Variants in C4orf51 observed in about 807,000 individuals in gnomAD.
C4orf51 encodes the protein uncharacterized protein C4orf51.
In C4orf51, 25 loss-of-function variants were observed where a neutral mutation model predicts 25.2. That is an observed-to-expected ratio of 0.99 (90% CI 0.72 to 1.39). C4orf51 has a LOEUF of 1.39. Among genes scored for constraint, C4orf51 ranks in the 40% most tolerant of loss-of-function variants. The pLI is 0.00. For synonymous variants in C4orf51, 100 were observed against 84.5 expected, an observed-to-expected ratio of 1.18 and a Z score of -1.01; for missense variants, 252 against 239.6, an observed-to-expected ratio of 1.05 and a Z score of -0.34.
chr4:145,754,588 C>T (rs115246899), downstream of C4orf51, among the ~76,000 whole-genome samples: 1,011 of 152,270 alleles, frequency 6.6e-3, 4 homozygotes, highest in Non-Finnish European at 0.011. Flanking sequence ...TTTAAGCCAC[C>T]CTCAAGACGA....
At position 145,690,779 on chromosome 4, in the gene C4orf51, A is replaced by G. The variant is rs149660106; in HGVS notation, c.234-5780A>G. Among the ~76,000 whole-genome samples the G allele has an allele frequency of 5.0e-3, 763 of 152,256 alleles. 3 individuals are homozygous for G. The highest frequency in any genetic ancestry group is 0.017 in the African/African-American group (714 of 41,536). On this transcript the variant is annotated intron_variant, in intron 1 of 5. Coordinates refer to ENST00000438731, the MANE Select transcript of C4orf51 (RefSeq NM_001080531.3). Reference sequence around the variant, plus strand: ...CAGAATCCACAAGGAACTTAAATCAACAAGCAAAAACCAACAAACCCATCA... The same window carrying G: ...CAGAATCCACAAGGAACTTAAATCAGCAAGCAAAAACCAACAAACCCATCA...
At chr4:145,724,338 G>T (rs761902033) in intron 2 of C4orf51, among the ~76,000 whole-genome samples, 4 of 151,982 alleles carry the variant, frequency 2.6e-5, no homozygotes, top group Non-Finnish European at 5.9e-5. Flanking sequence ...TGAAAAAGTG[G>T]GTTTTTCTTG....
intron 2 of C4orf51, among the ~76,000 whole-genome samples, chr4:145,717,606 CTTG>C (rs1385812525): frequency 2.6e-5 from 4 of 152,200 alleles, no homozygotes; most frequent in African/African-American, 7.2e-5. Context: ...CTTTGGTCAA[CTTG>C]TTGTTCCTTT....
In C4orf51 at chr4:145,699,156, C is replaced by T. The variant is rs1377663063; in HGVS notation, c.307+2524C>T. 2.0e-5 allele frequency among the ~76,000 whole-genome samples: 3 copies of T among 151,862 alleles called. No individual in the cohort carries two copies. The East Asian group carries it at 5.8e-4, about 29-fold the overall frequency. On this transcript the variant is annotated intron_variant, in intron 2 of 5. Transcript: ENST00000438731. Reference sequence around the variant, plus strand: ...CCCAAATCATATAAAATGGCCCCACCCTTATCTCCCTTCGCTGACTCTCTT... The same window carrying T: ...CCCAAATCATATAAAATGGCCCCACTCTTATCTCCCTTCGCTGACTCTCTT...
intron 1 of C4orf51, among the ~76,000 whole-genome samples, chr4:145,685,420 G>A (rs557447816): frequency 5.9e-5 from 9 of 152,286 alleles, no homozygotes; most frequent in African/African-American, 1.9e-4. Context: ...TCGGCTAGGG[G>A]CATCGGCAAG....
At chr4:145,738,720 A>G (rs932956526) in intron 1 of C4orf51, among the ~76,000 whole-genome samples, 4 of 151,888 alleles carry the variant, frequency 2.6e-5, no homozygotes, top group Non-Finnish European at 5.9e-5. Flanking sequence ...GCTCACTGCA[A>G]CCTTTGTCTC....
At chr4:145,735,276 A>G (rs944695938), downstream of C4orf51, among the ~76,000 whole-genome samples, 1 of 152,208 alleles carries the variant, frequency 6.6e-6, no homozygotes, top group African/African-American at 2.4e-5. Context: ...CCGAGGTGCC[A>G]TTCCTCACGC....
chr4:145,779,343 A>C, the C4orf51 span: 1 of 1,608,282 alleles, frequency 6.2e-7, no homozygotes, highest in Non-Finnish European at 8.5e-7. Context: ...TGGAGCATAG[A>C]GGGCTGACAG....
Position 145,754,078 on chromosome 4 carries a change from G to C in C4orf51, n.168-129G>C, listed in dbSNP as rs548754889. ...GAAGTGCGCTGAGTTAACCCAGCAG[G>C]GTGGATGGGTAACCAACATTGACCT... On this transcript the variant is annotated intron_variant and non_coding_transcript_variant, in intron 1 of 1. Transcript: ENST00000508981. The C allele has an allele frequency of 2.0e-5, 3 of 152,414 alleles. No individual in the cohort carries two copies. The South Asian group carries it at 6.2e-4, about 32-fold the overall frequency. The allele number at this position is 152,414 out of a possible 1,614,324, so 9.4% of individuals were successfully genotyped here. A position where few individuals can be genotyped will look rare whatever the true frequency, so the allele number is the denominator to read the frequency against.
At chr4:145,706,326 G>T (rs538603425) in intron 2 of C4orf51, among the ~76,000 whole-genome samples, 1 of 152,212 alleles carries the variant, frequency 6.6e-6, no homozygotes, top group Admixed American at 6.5e-5. Flanking sequence ...GTTCCATAAG[G>T]AATTTCAGGT....
At chr4:145,779,842 C>T in the C4orf51 span, among the ~76,000 whole-genome samples, 1 of 152,216 alleles carries the variant, frequency 6.6e-6, no homozygotes, top group Non-Finnish European at 1.5e-5. Context: ...AAATGAGTTG[C>T]CTGAGTTGCA....
chr4:145,709,799 G>T (rs1194449237), intron 2 of C4orf51, among the ~76,000 whole-genome samples: 3 of 152,208 alleles, frequency 2.0e-5, no homozygotes, highest in South Asian at 4.1e-4. Context: ...AGGGCCATTA[G>T]TGTCTCAGTT....
chr4:145,754,885 G>A (rs1044188404), downstream of C4orf51, among the ~76,000 whole-genome samples: 25 of 152,164 alleles, frequency 1.6e-4, no homozygotes, highest in Admixed American at 1.4e-3. Flanking sequence ...GCAGTGAGCC[G>A]AGATCATGCC....
At chr4:145,697,330 C>A (rs562033368) in intron 2 of C4orf51, among the ~76,000 whole-genome samples, 1 of 152,192 alleles carries the variant, frequency 6.6e-6, no homozygotes, top group African/African-American at 2.4e-5. Context: ...AAACTCCTGA[C>A]CTTGTGATCT....
chr4:145,792,228 A>C, the C4orf51 span, among the ~76,000 whole-genome samples: 306 of 152,226 alleles, frequency 2.0e-3, 1 homozygote, highest in African/African-American at 7.0e-3. Context: ...CTGTGAACAC[A>C]ACGTTCCTGT....
chr4:145,732,732 C>CT lies in C4orf51; in HGVS notation c.*177dup. The CT allele has an allele frequency of 2.1e-6, 1 of 481,722 alleles. No individual in the cohort carries two copies. The highest frequency in any genetic ancestry group is 3.7e-6 in the Non-Finnish European group (1 of 271,798). 29.8% of individuals were successfully genotyped at this position (481,722 alleles called of 1,614,324 possible). ...TGGGCTTCATTTATCAGTTTTTTCC[C>CT]TTTTTAATTGGTGGAGAGAGACAAA... On this transcript the variant is annotated 3_prime_UTR_variant, in exon 6 of 6. Coordinates refer to ENST00000438731, the MANE Select transcript of C4orf51 (RefSeq NM_001080531.3).
intron 1 of C4orf51, among the ~76,000 whole-genome samples, chr4:145,743,248 G>A (rs559552697): frequency 1.3e-5 from 2 of 152,182 alleles, no homozygotes; most frequent in African/African-American, 2.4e-5. Flanking sequence ...CAAAATACCC[G>A]AGACTATATC....
At chr4:145,710,726 A>G (rs1354067539) in intron 2 of C4orf51, among the ~76,000 whole-genome samples, 1 of 150,638 alleles carries the variant, frequency 6.6e-6, no homozygotes, top group Non-Finnish European at 1.5e-5. Flanking sequence ...GCCAATTATT[A>G]TTTTAGAGAG....
At chr4:145,729,856 G>C (rs187034645) in intron 4 of C4orf51, 36 bp from the exon 5 acceptor site, 5 of 1,561,930 alleles carry the variant, frequency 3.2e-6, no homozygotes, top group Non-Finnish European at 4.4e-6. Context: ...TCTCTTTATC[G>C]CAAACACTCA....
Sources: gnomAD v4.1 joint callset for allele counts (sites outside exome capture counted in the v4.1 genomes callset) on GRCh38, gnomAD v4.1.1 for gene constraint, MANE v1.5 for transcripts, NCBI Gene and HGNC (gene_info 2026-07-23, HGNC 2026-07-21) for gene names.